Variants in DCT observed in about 807,000 individuals in gnomAD.
The protein encoded by DCT is dopachrome tautomerase.
In DCT, 47 loss-of-function variants were observed where a neutral mutation model predicts 53.0. That is an observed-to-expected ratio of 0.89 (90% CI 0.70 to 1.13). DCT has a LOEUF of 1.13. DCT is among the 50% of genes most tolerant of loss of function. The pLI is 0.00. For missense variants in DCT, 669 were observed against 637.4 expected, an observed-to-expected ratio of 1.05 and a Z score of -0.53; for synonymous variants, 244 against 237.0, an observed-to-expected ratio of 1.03 and a Z score of -0.27.
chr13:94,440,090 GA>G lies in DCT; in HGVS notation c.1382-15del. On this transcript the variant is annotated splice_polypyrimidine_tract_variant and intron_variant, in intron 7 of 7. Transcript: ENST00000377028. ...CTTCAACTGAAACTAAAGCAGAAGA[GA>G]AGGGTCTACAATCAGGATTTTCATC... 6.2e-7 allele frequency: 1 copy of G among 1,609,776 alleles called. No homozygotes were observed. Among genetic ancestry groups the G allele is most frequent in the Non-Finnish European group, 8.5e-7 (1 of 1,177,252 alleles).
intron 1 of DCT, among the ~76,000 whole-genome samples, chr13:94,475,389 G>T (rs1271089806): frequency 1.3e-5 from 2 of 152,176 alleles, no homozygotes; most frequent in African/African-American, 2.4e-5. Flanking sequence ...CAGCATGGAT[G>T]GACCTGGAAG....
chr13:94,484,146 G>A (rs1885563686), upstream of DCT, among the ~76,000 whole-genome samples: 1 of 152,174 alleles, frequency 6.6e-6, no homozygotes, highest in African/African-American at 2.4e-5. Context: ...GACCCAGGGG[G>A]AAACAGCATC....
At chr13:94,476,837 G>C (rs927714572) in intron 1 of DCT, among the ~76,000 whole-genome samples, 2 of 152,120 alleles carry the variant, frequency 1.3e-5, no homozygotes, top group African/African-American at 4.8e-5. Flanking sequence ...AGAAGTTACT[G>C]TGTTAGTGTG....
chr13:94,445,686 A>C (rs1352674138), intron 6 of DCT: 1 of 1,489,484 alleles, frequency 6.7e-7, no homozygotes, highest in Admixed American at 1.9e-5. Flanking sequence ...AAAGGAAAAA[A>C]ACCTGAGTAG....
the DCT span, among the ~76,000 whole-genome samples, chr13:94,511,232 A>G: frequency 6.6e-6 from 1 of 152,030 alleles, no homozygotes; most frequent in Non-Finnish European, 1.5e-5. Context: ...CTGCCCCTCC[A>G]GCTACATTGA....
At chr13:94,517,229 C>T in the DCT span, among the ~76,000 whole-genome samples, 2 of 152,180 alleles carry the variant, frequency 1.3e-5, no homozygotes. Flanking sequence ...AACATCTAAT[C>T]ACTTTTACTC....
chr13:94,542,873 G>A, the DCT span, among the ~76,000 whole-genome samples: 13 of 152,030 alleles, frequency 8.6e-5, no homozygotes, highest in Non-Finnish European at 1.5e-4. Flanking sequence ...GTTCACACAC[G>A]AGAGTACCAA....
In DCT at chr13:94,439,963, G is replaced by A. The variant is rs200349922; in HGVS notation, c.1495C>T (p.Arg499Ter). The A allele has an allele frequency of 4.3e-5, 69 of 1,613,812 alleles. No individual in the cohort carries two copies. Among genetic ancestry groups the A allele is most frequent in the African/African-American group, 5.3e-5 (4 of 74,988 alleles). Residue 499 changes from arginine to a stop codon, truncating the protein, a stop_gained, in exon 8 of 8, where the codon CGA becomes TGA. Transcript: ENST00000377028. LOFTEE classifies it high-confidence loss of function. ...LLAFLQYRRL[R>*]KGYTPLMETH... is the part of the protein sequence containing the mutation. ...TCCATTAGGGGTGTATATCCTTTTCGAAGTCTTCTATATTGAAGAAAAGCC... is the reference window on the plus strand; with the variant it reads ...TCCATTAGGGGTGTATATCCTTTTCAAAGTCTTCTATATTGAAGAAAAGCC...
At chr13:94,492,045 C>A in the DCT span, among the ~76,000 whole-genome samples, 45 of 152,308 alleles carry the variant, frequency 3.0e-4, 2 homozygotes, top group South Asian at 2.5e-3. Context: ...ACTGGACAAC[C>A]AGGGGTGAGT....
At chr13:94,442,819 T>A (rs1882430993) in intron 7 of DCT, among the ~76,000 whole-genome samples, 1 of 152,206 alleles carries the variant, frequency 6.6e-6, no homozygotes, top group Non-Finnish European at 1.5e-5. Flanking sequence ...TAAGACGATG[T>A]GGGTATGAAA....
intron 7 of DCT, 145 bp from the exon 8 acceptor site, chr13:94,440,221 C>T (rs549231041): frequency 3.2e-6 from 2 of 623,822 alleles, no homozygotes; most frequent in Non-Finnish European, 5.6e-6. Context: ...TTATCTTCTC[C>T]TTTCTCACCA....
At chr13:94,493,256 G>A in the DCT span, among the ~76,000 whole-genome samples, 16 of 151,968 alleles carry the variant, frequency 1.1e-4, no homozygotes, top group African/African-American at 3.6e-4. Context: ...GACTTCTACA[G>A]GATCCAAGGG....
At chr13:94,444,191 T>G (rs905517336) in intron 6 of DCT, among the ~76,000 whole-genome samples, 1 of 152,226 alleles carries the variant, frequency 6.6e-6, no homozygotes, top group Non-Finnish European at 1.5e-5. Context: ...GAAATGCTCA[T>G]TGGAGCATTT....
the DCT span, among the ~76,000 whole-genome samples, chr13:94,542,375 G>A: frequency 1.3e-5 from 2 of 151,974 alleles, no homozygotes; most frequent in Non-Finnish European, 1.5e-5. Context: ...TTTTTTAGTC[G>A]AGTCAAGGTT....
intron 1 of DCT, among the ~76,000 whole-genome samples, chr13:94,475,018 A>G (rs1884981696): frequency 6.6e-6 from 1 of 152,158 alleles, no homozygotes; most frequent in Admixed American, 6.5e-5. Flanking sequence ...TCCATTCGCA[A>G]AAGAGTCATC....
At chr13:94,532,190 AGT>A in the DCT span, among the ~76,000 whole-genome samples, 1 of 152,216 alleles carries the variant, frequency 6.6e-6, no homozygotes, top group East Asian at 1.9e-4. Flanking sequence ...TGTTGGTGAG[AGT>A]GTAAATTAGT....
chr13:94,497,690 C>G, the DCT span, among the ~76,000 whole-genome samples: 1 of 151,792 alleles, frequency 6.6e-6, no homozygotes, highest in South Asian at 2.1e-4. Flanking sequence ...ATTGAGTAGG[C>G]TGAGGAGGAG....
chr13:94,484,381 C>A (rs1885574869), upstream of DCT, among the ~76,000 whole-genome samples: 1 of 152,166 alleles, frequency 6.6e-6, no homozygotes, highest in African/African-American at 2.4e-5. Context: ...CAACTTAAAG[C>A]CTTATGTCAT....
rs1387344993 is a variant in DCT at position 94,449,365 on chromosome 13, T to A, written c.1180-5728A>T. Among the ~76,000 whole-genome samples the A allele has an allele frequency of 2.0e-5, 3 of 152,330 alleles. No individual in the cohort carries two copies. The East Asian group carries it at 5.8e-4, about 29-fold the overall frequency. ...AGATGAAATAAGAAAAGTTTCTGCA[T>A]CTAGAGAAAGAACCATGGAAATATG... On this transcript the variant is annotated intron_variant, in intron 6 of 7. Coordinates refer to ENST00000377028, the MANE Select transcript of DCT (RefSeq NM_001922.5).
Sources: allele counts gnomAD v4.1 joint callset (sites outside exome capture counted in the v4.1 genomes callset), GRCh38; gene constraint gnomAD v4.1.1; transcripts MANE v1.5; gene names NCBI Gene and HGNC (gene_info 2026-07-23, HGNC 2026-07-21).